Variants in PRKG1 observed in about 807,000 individuals in gnomAD.
PRKG1 encodes the protein cGMP-dependent protein kinase 1.
In PRKG1, 35 loss-of-function variants were observed where a neutral mutation model predicts 88.1. That is an observed-to-expected ratio of 0.40 (90% CI 0.30 to 0.53). PRKG1 has a LOEUF of 0.53. Ranked by LOEUF, PRKG1 falls within the 20% of genes least tolerant of loss-of-function variation. The probability of loss-of-function intolerance (pLI) is 0.59; values close to 1 mark genes in which losing one functional copy is unlikely to be tolerated. For synonymous variants in PRKG1, 303 were observed against 292.5 expected (o/e 1.04, Z -0.37); for missense variants, 540 against 839.8 (o/e 0.64, Z 4.41).
chr10:52,227,289 C>T (rs1470252003), intron 9 of PRKG1, among the ~76,000 whole-genome samples: 1 of 152,062 alleles, frequency 6.6e-6, no homozygotes, highest in East Asian at 1.9e-4. Context: ...TCATAATGTG[C>T]TATTTTATTA....
At chr10:51,627,568 T>A (rs1346089483) in intron 3 of PRKG1, among the ~76,000 whole-genome samples, 1 of 152,044 alleles carries the variant, frequency 6.6e-6, no homozygotes. Flanking sequence ...TTATGAGGGG[T>A]CTTTGTTCAT....
intron 1 of PRKG1, among the ~76,000 whole-genome samples, chr10:51,067,418 C>T (rs1050423054): frequency 6.6e-6 from 1 of 151,858 alleles, no homozygotes; most frequent in East Asian, 1.9e-4. Context: ...TTGCTGTTTT[C>T]TGATGGAGGG....
Position 51,734,964 on chromosome 10 carries a change from G to A in PRKG1, c.593-69621G>A, listed in dbSNP as rs372846804. Among the ~76,000 whole-genome samples the A allele has an allele frequency of 2.3e-4, 35 of 152,214 alleles. No homozygotes were observed. In the South Asian group the frequency reaches 3.3e-3, roughly 14 times the overall value. ...GTGAAGGATTCTGCAGGAAAGTACC[G>A]GTCATTCTCATTTGTGGGAGGATTT... is the stretch of plus-strand genomic sequence containing the variant. On this transcript the variant is annotated intron_variant, in intron 3 of 17. Coordinates refer to ENST00000373980, the MANE Select transcript of PRKG1 (RefSeq NM_006258.4).
chr10:51,762,407 G>A (rs1194886610), intron 3 of PRKG1, among the ~76,000 whole-genome samples: 1 of 152,126 alleles, frequency 6.6e-6, no homozygotes, highest in Non-Finnish European at 1.5e-5. Flanking sequence ...TATTGATTGG[G>A]TATACCTGAG....
At chr10:52,266,037 A>G (rs982102096) in intron 10 of PRKG1, among the ~76,000 whole-genome samples, 3 of 152,028 alleles carry the variant, frequency 2.0e-5, no homozygotes, top group Admixed American at 1.3e-4. Context: ...ATAAGCATCC[A>G]TAATCTTTGT....
At chr10:51,085,883 G>T (rs1746654572) in intron 1 of PRKG1, among the ~76,000 whole-genome samples, 1 of 152,088 alleles carries the variant, frequency 6.6e-6, no homozygotes, top group Admixed American at 6.6e-5. Context: ...GTGAAAGAAA[G>T]AATGCTATAA....
chr10:51,832,419 G>A (rs1564666147), intron 4 of PRKG1, among the ~76,000 whole-genome samples: 1 of 152,116 alleles, frequency 6.6e-6, no homozygotes, highest in South Asian at 2.1e-4. Context: ...AAGTAAGACA[G>A]CAAATATTTT....
At chr10:52,271,022 CAGA>C (rs1311403398) in intron 10 of PRKG1, among the ~76,000 whole-genome samples, 1 of 151,932 alleles carries the variant, frequency 6.6e-6, no homozygotes, top group Non-Finnish European at 1.5e-5. Flanking sequence ...ACTCTTTTGA[CAGA>C]AGAACTATAA....
intron 2 of PRKG1, among the ~76,000 whole-genome samples, chr10:51,436,174 TG>T (rs1250966503): frequency 2.7e-5 from 4 of 149,154 alleles, no homozygotes; most frequent in Middle Eastern, 3.4e-3. Context: ...ATCTGTAAGT[TG>T]TTTTTTTTTT....
chr10:52,081,300 G>T (rs563467099), intron 7 of PRKG1, among the ~76,000 whole-genome samples: 1 of 152,248 alleles, frequency 6.6e-6, no homozygotes, highest in East Asian at 1.9e-4. Context: ...ATCTGAGCTA[G>T]CTACTTAAAC....
At chr10:51,484,067 G>A (rs74790861) in intron 3 of PRKG1, among the ~76,000 whole-genome samples, 6,031 of 152,180 alleles carry the variant, frequency 0.04, 198 homozygotes, top group Middle Eastern at 0.13. Context: ...TATTGTTGAT[G>A]CACGAAATGA....
intron 7 of PRKG1, among the ~76,000 whole-genome samples, chr10:52,097,917 T>C (rs1195116260): frequency 6.6e-6 from 1 of 152,072 alleles, no homozygotes; most frequent in Non-Finnish European, 1.5e-5. Context: ...AAAATGGAGA[T>C]TGTAAACCAT....
chr10:51,594,134 C>T (rs1001503241), intron 3 of PRKG1, among the ~76,000 whole-genome samples: 2 of 152,134 alleles, frequency 1.3e-5, no homozygotes, highest in African/African-American at 4.8e-5. Flanking sequence ...AAGTCATCTT[C>T]CCTGTCAGCC....
At chr10:51,137,029 C>G (rs969454957) in intron 1 of PRKG1, among the ~76,000 whole-genome samples, 1 of 152,004 alleles carries the variant, frequency 6.6e-6, no homozygotes, top group Admixed American at 6.6e-5. Flanking sequence ...GGACTACAGG[C>G]GCCCGCCACC....
At position 52,037,486 on chromosome 10, in the gene PRKG1, C is replaced by T. The variant is rs1409013689; in HGVS notation, c.763-16998C>T. On this transcript the variant is annotated intron_variant, in intron 5 of 17. Transcript: ENST00000373980. ...AATAAAATGTATTTTGAGAATAAGA[C>T]GGCCTTTTGACCTTTTAGGGTCTAG... 4.6e-5 allele frequency among the ~76,000 whole-genome samples: 7 copies of T among 152,130 alleles called. No individual in the cohort carries two copies. In the South Asian group the frequency reaches 6.2e-4, roughly 14 times the overall value.
At chr10:52,128,292 G>A in intron 7 of PRKG1, 1 of 985,388 alleles carries the variant, frequency 1.0e-6, no homozygotes, top group South Asian at 4.7e-5. Context: ...TGAAAAGGGA[G>A]AGCCCCTACT....
intron 9 of PRKG1, among the ~76,000 whole-genome samples, chr10:52,190,362 C>T (rs899632342): frequency 6.6e-6 from 1 of 152,046 alleles, no homozygotes; most frequent in Non-Finnish European, 1.5e-5. Flanking sequence ...ATGAGGCAGA[C>T]AAATGCATTC....
rs550671395 is a variant in PRKG1, at chr10:52,160,782, G to A, written c.1002-1107G>A. The stretch of plus-strand genomic sequence containing the variant: ...CATTTACATGTATTAAGCTGACAGA[G>A]GATTAAAATGAAATGTAATTTCTTA... On this transcript the variant is annotated intron_variant, in intron 8 of 17. Coordinates refer to ENST00000373980, the MANE Select transcript of PRKG1 (RefSeq NM_006258.4). Among the ~76,000 whole-genome samples the A allele has an allele frequency of 9.9e-4, 150 of 151,862 alleles. 1 individual carries two copies. The highest frequency in any genetic ancestry group is 3.6e-3 in the African/African-American group (149 of 41,428).
At chr10:51,998,036 G>T (rs1469113167) in intron 5 of PRKG1, among the ~76,000 whole-genome samples, 3 of 152,078 alleles carry the variant, frequency 2.0e-5, no homozygotes, top group Non-Finnish European at 2.9e-5. Context: ...TAGGTTTTTG[G>T]TGGACACTCT....
Sources: allele counts gnomAD v4.1 joint callset (sites outside exome capture counted in the v4.1 genomes callset), GRCh38; gene constraint gnomAD v4.1.1; transcripts MANE v1.5; gene names NCBI Gene and HGNC (gene_info 2026-07-23, HGNC 2026-07-21).